Variants in ESRRG observed in about 807,000 individuals in gnomAD.
ESRRG encodes estrogen related receptor gamma.
A neutral mutation model predicts 44.0 loss-of-function variants in ESRRG; 13 were observed. The ratio of observed to expected loss-of-function variants is 0.30; its 90% CI spans 0.19 to 0.47. ESRRG has a LOEUF of 0.47. Ranked by LOEUF, ESRRG falls within the 20% of genes least tolerant of loss-of-function variation. The pLI, the probability that ESRRG is intolerant of heterozygous loss-of-function variation, is 1.00. For missense variants in ESRRG, 395 were observed against 580.6 expected (o/e 0.68, Z 3.29); for synonymous variants, 215 against 214.6 (o/e 1.00, Z -0.02).
chr1:216,719,274 G>C (rs1335235194), intron 1 of ESRRG, among the ~76,000 whole-genome samples: 2 of 151,862 alleles, frequency 1.3e-5, no homozygotes, highest in Non-Finnish European at 2.9e-5. Flanking sequence ...AATAGCACCA[G>C]GTATCTAAAA....
chr1:217,120,457 A>G (rs2092803897), intron 1 of ESRRG, among the ~76,000 whole-genome samples: 3 of 146,420 alleles, frequency 2.0e-5, no homozygotes, highest in Non-Finnish European at 4.5e-5. Flanking sequence ...GCCAAAATGA[A>G]CTCTTCCAAA....
intron 1 of ESRRG, among the ~76,000 whole-genome samples, chr1:216,944,730 C>A (rs1560208817): frequency 6.6e-6 from 1 of 152,146 alleles, no homozygotes; most frequent in African/African-American, 2.4e-5. Flanking sequence ...GTTCTACCAA[C>A]CATATCTGCC....
At chr1:216,609,209 A>T (rs868595728) in intron 3 of ESRRG, among the ~76,000 whole-genome samples, 24 of 152,220 alleles carry the variant, frequency 1.6e-4, no homozygotes, top group African/African-American at 5.5e-4. Flanking sequence ...TTTATTCTAC[A>T]TTTATTCATG....
At chr1:216,553,896 C>T (rs987724341) in intron 5 of ESRRG, among the ~76,000 whole-genome samples, 1 of 151,772 alleles carries the variant, frequency 6.6e-6, no homozygotes, top group African/African-American at 2.4e-5. Context: ...GTGTTTTTTT[C>T]TAAGAGAAAA....
At chr1:216,591,299 C>T (rs1573687920) in intron 3 of ESRRG, among the ~76,000 whole-genome samples, 2 of 152,198 alleles carry the variant, frequency 1.3e-5, no homozygotes, top group African/African-American at 4.8e-5. Context: ...AGATGGAGCT[C>T]GAAGAGCTTC....
rs369083516 is a variant in ESRRG at position 216,610,951 on chromosome 1, C to G, written c.589+40022G>C. Among the ~76,000 whole-genome samples, 6 of 152,100 alleles carry G rather than the reference C, an allele frequency of 3.9e-5. No individual in the cohort carries two copies. In the East Asian group the frequency reaches 7.8e-4, roughly 20 times the overall value. ...GAGGAGTAACTAACATTGCAAGAAG[C>G]ATCTCAGTTGGGAGGCCGAGGTGGG... On this transcript the variant is annotated intron_variant, in intron 3 of 6. Coordinates refer to ENST00000408911, the MANE Select transcript of ESRRG (RefSeq NM_001438.4).
intron 2 of ESRRG, among the ~76,000 whole-genome samples, chr1:216,846,006 G>C (rs2095740287): frequency 6.6e-6 from 1 of 152,116 alleles, no homozygotes; most frequent in Admixed American, 6.6e-5. Flanking sequence ...CTTTGTCACA[G>C]TAACCACTTA....
intron 2 of ESRRG, among the ~76,000 whole-genome samples, chr1:216,906,874 C>T (rs964586100): frequency 3.9e-5 from 6 of 152,086 alleles, no homozygotes; most frequent in Non-Finnish European, 8.8e-5. Context: ...GTTTCTAAAA[C>T]AAGAAATGAG....
chr1:216,635,888 G>C (rs1475121048), intron 3 of ESRRG, among the ~76,000 whole-genome samples: 1 of 152,118 alleles, frequency 6.6e-6, no homozygotes, highest in Non-Finnish European at 1.5e-5. Flanking sequence ...AGACCAAGCA[G>C]AACCAATTCA....
chr1:217,057,100 C>A (rs1282205056), intron 1 of ESRRG, among the ~76,000 whole-genome samples: 1 of 152,096 alleles, frequency 6.6e-6, no homozygotes, highest in Non-Finnish European at 1.5e-5. Context: ...TAAGCCCCCA[C>A]CAGTGAGAAA....
At chr1:216,988,336 G>T (rs929454201) in intron 1 of ESRRG, among the ~76,000 whole-genome samples, 1 of 152,172 alleles carries the variant, frequency 6.6e-6, no homozygotes, top group African/African-American at 2.4e-5. Context: ...TATCACTGTA[G>T]AAACTTTTTG....
chr1:216,769,322 T>C (rs1397564177), intron 2 of ESRRG, among the ~76,000 whole-genome samples: 2 of 152,132 alleles, frequency 1.3e-5, no homozygotes, highest in Non-Finnish European at 2.9e-5. Flanking sequence ...AAGTAGTCAT[T>C]GAATAATGGG....
At chr1:216,552,208 T>C (rs758162237) in intron 5 of ESRRG, among the ~76,000 whole-genome samples, 1 of 152,118 alleles carries the variant, frequency 6.6e-6, no homozygotes, top group Admixed American at 6.6e-5. Flanking sequence ...CATGTATATC[T>C]ATATATATAA....
At chr1:216,773,871 C>T (rs2093483127) in intron 2 of ESRRG, among the ~76,000 whole-genome samples, 2 of 152,190 alleles carry the variant, frequency 1.3e-5, no homozygotes, top group South Asian at 2.1e-4. Context: ...TCATAGATAA[C>T]ATTCTAGTCA....
chr1:216,897,989 T>C (rs2058617109), intron 2 of ESRRG, among the ~76,000 whole-genome samples: 1 of 152,178 alleles, frequency 6.6e-6, no homozygotes, highest in Non-Finnish European at 1.5e-5. Context: ...CGATAGGCTT[T>C]CCTCATCTGC....
At chr1:216,754,836 T>C (rs1230414494) in intron 2 of ESRRG, among the ~76,000 whole-genome samples, 1 of 151,798 alleles carries the variant, frequency 6.6e-6, no homozygotes, top group Non-Finnish European at 1.5e-5. Flanking sequence ...AACGTTCCTT[T>C]TCTATTTCAA....
chr1:216,591,712 T>A (rs2057698296), intron 3 of ESRRG, among the ~76,000 whole-genome samples: 1 of 152,090 alleles, frequency 6.6e-6, no homozygotes. Context: ...GATGTGTCAA[T>A]AAGTCACAAG....
chr1:217,033,660 T>C (rs2082405373), intron 1 of ESRRG, among the ~76,000 whole-genome samples: 1 of 150,048 alleles, frequency 6.7e-6, no homozygotes, highest in African/African-American at 2.5e-5. Flanking sequence ...AATAAAGCTG[T>C]TTTCAAAAAG....
At chr1:216,568,774 C>T (rs367944566) in intron 3 of ESRRG, among the ~76,000 whole-genome samples, 371 of 152,200 alleles carry the variant, frequency 2.4e-3, no homozygotes, top group Middle Eastern at 6.8e-3. Context: ...GCTTCCTAGC[C>T]GGGCGCAGTG....
Sources: allele counts gnomAD v4.1 joint callset (sites outside exome capture counted in the v4.1 genomes callset), GRCh38; gene constraint gnomAD v4.1.1; transcripts MANE v1.5; gene names NCBI Gene and HGNC (gene_info 2026-07-23, HGNC 2026-07-21).